ARID2: variants seen among roughly 807,000 people sequenced by gnomAD.
ARID2 encodes the protein AT-rich interactive domain-containing protein 2.
ARID2 carries 32 observed loss-of-function variants against 184.6 expected under a neutral mutation model. The ratio of observed to expected loss-of-function variants is 0.17; its 90% CI spans 0.13 to 0.23. The LOEUF (loss-of-function observed/expected upper bound fraction) is 0.23. Ranked by LOEUF, ARID2 falls within the 10% of genes least tolerant of loss-of-function variation. The probability of loss-of-function intolerance (pLI) is 1.00; values close to 1 mark genes in which losing one functional copy is unlikely to be tolerated. For synonymous variants in ARID2, 836 were observed against 772.6 expected, an observed-to-expected ratio of 1.08 and a Z score of -1.36; for missense variants, 1,696 against 2,197.6, an observed-to-expected ratio of 0.77 and a Z score of 4.56.
intron 20 of ARID2, among the ~76,000 whole-genome samples, chr12:45,903,853 A>AT (rs554759018): frequency 2.6e-5 from 4 of 151,172 alleles, no homozygotes; most frequent in Admixed American, 1.3e-4. Context: ...GCTGGCTGAT[A>AT]TTTTTTTTTA....
chr12:45,767,156 C>T (rs995173260), intron 3 of ARID2, among the ~76,000 whole-genome samples: 7 of 152,054 alleles, frequency 4.6e-5, no homozygotes, highest in African/African-American at 1.7e-4. Flanking sequence ...ATATTGAGTA[C>T]TGTTATATTC....
intron 5 of ARID2, among the ~76,000 whole-genome samples, chr12:45,819,708 A>T (rs936801219): frequency 6.6e-6 from 1 of 150,452 alleles, no homozygotes; most frequent in Non-Finnish European, 1.5e-5. Context: ...TTTCCCAGGG[A>T]TGTTATTTGC....
At chr12:45,799,146 T>C (rs1350883356) in intron 3 of ARID2, among the ~76,000 whole-genome samples, 1 of 152,124 alleles carries the variant, frequency 6.6e-6, no homozygotes, top group Non-Finnish European at 1.5e-5. Flanking sequence ...CATGAGACTG[T>C]TAGCCTCATG....
At chr12:45,879,948 A>G (rs752950643) in intron 16 of ARID2, among the ~76,000 whole-genome samples, 2 of 152,166 alleles carry the variant, frequency 1.3e-5, no homozygotes. Flanking sequence ...AGTGGAGTTT[A>G]TATTAAGTGT....
At chr12:45,890,140 T>C (rs985641010) in intron 16 of ARID2, among the ~76,000 whole-genome samples, 1 of 152,192 alleles carries the variant, frequency 6.6e-6, no homozygotes, top group Non-Finnish European at 1.5e-5. Flanking sequence ...AAAAGAGTAG[T>C]AGATTGGAGA....
intron 16 of ARID2, among the ~76,000 whole-genome samples, chr12:45,862,607 G>T (rs1254139564): frequency 1.3e-5 from 2 of 152,184 alleles, no homozygotes; most frequent in Admixed American, 1.3e-4. Flanking sequence ...GCCCAGGAAG[G>T]CTGAGGCAGG....
At chr12:45,743,508 C>T (rs1345056746) in intron 3 of ARID2, among the ~76,000 whole-genome samples, 1 of 152,228 alleles carries the variant, frequency 6.6e-6, no homozygotes, top group Non-Finnish European at 1.5e-5. Context: ...GTAGCTGAGA[C>T]TACAGACATG....
intron 3 of ARID2, among the ~76,000 whole-genome samples, chr12:45,805,613 A>T (rs959091546): frequency 2.0e-5 from 3 of 152,040 alleles, no homozygotes; most frequent in Non-Finnish European, 4.4e-5. Flanking sequence ...ATTTTAAAAA[A>T]TTTTCCAGCT....
Position 45,866,827 on chromosome 12 carries a change from A to G in ARID2, c.4922+5878A>G, listed in dbSNP as rs139746623. 9.3e-3 allele frequency among the ~76,000 whole-genome samples: 1,416 copies of G among 152,294 alleles called. 22 individuals are homozygous for G. The highest frequency in any genetic ancestry group is 0.067 in the South Asian group (324 of 4,822). On this transcript the variant is annotated intron_variant, in intron 16 of 20. Coordinates refer to ENST00000334344, the MANE Select transcript of ARID2 (RefSeq NM_152641.4). ...CATTTGTTATAACTGGTTAACCTACATTGACACATCATTATCACCCAAAGT... is the reference window on the plus strand; with the variant it reads ...CATTTGTTATAACTGGTTAACCTACGTTGACACATCATTATCACCCAAAGT...
At chr12:45,818,725 A>C (rs1394789077) in intron 5 of ARID2, among the ~76,000 whole-genome samples, 1 of 152,086 alleles carries the variant, frequency 6.6e-6, no homozygotes, top group East Asian at 1.9e-4. Flanking sequence ...TTTTATCTTT[A>C]GTGAGATGTT....
At chr12:45,754,732 G>A (rs1008489519) in intron 3 of ARID2, among the ~76,000 whole-genome samples, 6 of 152,062 alleles carry the variant, frequency 3.9e-5, no homozygotes, top group Non-Finnish European at 7.4e-5. Context: ...TTTATTGTCT[G>A]TTTCTTCTGT....
At chr12:45,880,282 G>A (rs1315316106) in intron 16 of ARID2, among the ~76,000 whole-genome samples, 2 of 152,150 alleles carry the variant, frequency 1.3e-5, no homozygotes, top group Non-Finnish European at 2.9e-5. Context: ...GGAATATAGA[G>A]GATCTCAAAT....
intron 16 of ARID2, among the ~76,000 whole-genome samples, chr12:45,872,739 A>G (rs752808009): frequency 5.6e-4 from 85 of 152,220 alleles, no homozygotes; most frequent in Non-Finnish European, 9.6e-4. Flanking sequence ...TTGTGGTTTC[A>G]GAGTATACAT....
chr12:45,830,370 G>T (rs1230358232), intron 6 of ARID2, among the ~76,000 whole-genome samples: 2 of 152,152 alleles, frequency 1.3e-5, no homozygotes, highest in East Asian at 3.8e-4. Flanking sequence ...GGTAACTCGA[G>T]TAGTTACTAA....
At chr12:45,809,900 C>T (rs1305749651) in intron 3 of ARID2, among the ~76,000 whole-genome samples, 2 of 152,040 alleles carry the variant, frequency 1.3e-5, no homozygotes, top group African/African-American at 4.8e-5. Flanking sequence ...CCATTCATCC[C>T]TCTTTGAAAT....
At chr12:45,898,687 G>A (rs1054673283) in intron 20 of ARID2, among the ~76,000 whole-genome samples, 13 of 151,970 alleles carry the variant, frequency 8.6e-5, no homozygotes, top group Non-Finnish European at 1.8e-4. Context: ...AGGCTGAGGC[G>A]GGCGGATCAT....
intron 3 of ARID2, among the ~76,000 whole-genome samples, chr12:45,786,030 C>G (rs1356501729): frequency 1.3e-5 from 2 of 152,084 alleles, no homozygotes; most frequent in Non-Finnish European, 2.9e-5. Flanking sequence ...TTCAAAAAAC[C>G]TTTATTTAAT....
intron 6 of ARID2, among the ~76,000 whole-genome samples, chr12:45,835,243 GTTTT>G (rs1943197451): frequency 6.6e-6 from 1 of 151,888 alleles, no homozygotes; most frequent in African/African-American, 2.4e-5. Flanking sequence ...AAAATTTTTA[GTTTT>G]TTATTTCTTT....
intron 3 of ARID2, among the ~76,000 whole-genome samples, chr12:45,810,024 T>A (rs1942675489): frequency 6.6e-6 from 1 of 152,162 alleles, no homozygotes; most frequent in Non-Finnish European, 1.5e-5. Flanking sequence ...CTGCCAAGCT[T>A]TTAAGTAGCT....
Sources: allele counts gnomAD v4.1 joint callset (sites outside exome capture counted in the v4.1 genomes callset), GRCh38; gene constraint gnomAD v4.1.1; transcripts MANE v1.5; gene names NCBI Gene and HGNC (gene_info 2026-07-23, HGNC 2026-07-21).